COL24A1: variants seen among roughly 807,000 people sequenced by gnomAD.
The protein encoded by COL24A1 is collagen type XXIV alpha 1 chain.
A neutral mutation model predicts 253.9 loss-of-function variants in COL24A1; 224 were observed. The observed-to-expected ratio is 0.88, with a 90% CI of 0.79 to 0.99. The LOEUF (loss-of-function observed/expected upper bound fraction) is 0.99. Ranked by LOEUF, COL24A1 falls within the 50% of genes least tolerant of loss-of-function variation. COL24A1 has a pLI of 0.00. For missense variants in COL24A1, 2,131 were observed against 2,068.5 expected (o/e 1.03, Z -0.59); for synonymous variants, 685 against 673.7 (o/e 1.02, Z -0.26).
chr1:86,109,980 A>C (rs1376709248), intron 5 of COL24A1, among the ~76,000 whole-genome samples: 1 of 152,192 alleles, frequency 6.6e-6, no homozygotes, highest in African/African-American at 2.4e-5. Context: ...CCTTCAGTAG[A>C]TACTAAATCT....
intron 5 of COL24A1, among the ~76,000 whole-genome samples, chr1:86,108,690 C>A (rs546649563): frequency 1.5e-4 from 23 of 150,428 alleles, no homozygotes; most frequent in African/African-American, 5.1e-4. Flanking sequence ...GCCTGTAACC[C>A]CAGCTACTCA....
intron 48 of COL24A1, 26 bp downstream of exon 48, chr1:85,786,328 C>A (rs562525753): frequency 1.3e-6 from 2 of 1,597,614 alleles, no homozygotes; most frequent in East Asian, 4.5e-5. Flanking sequence ...ATACTGCTTA[C>A]CCATTGGAAC....
At chr1:85,939,186 C>T (rs564855261) in intron 24 of COL24A1, among the ~76,000 whole-genome samples, 5 of 152,132 alleles carry the variant, frequency 3.3e-5, no homozygotes, top group Non-Finnish European at 5.9e-5. Context: ...CGTAAATGAT[C>T]CTCATTCTTG....
At position 85,786,566 on chromosome 1, in the gene COL24A1, A is replaced by G; in HGVS notation, c.3952-105T>C. On this transcript the variant is annotated intron_variant, in intron 47 of 59. Transcript: ENST00000370571. ...GTTGTGCCCCGAAAGGCGTCTGTTA[A>G]CATACTGCCCAGGAGTTATCCTGGG... 5 of 898,042 alleles carry G rather than the reference A, an allele frequency of 5.6e-6. No homozygotes were observed. In the South Asian group the frequency reaches 9.2e-5, roughly 16 times the overall value. 55.6% of individuals were successfully genotyped at this position (898,042 alleles called of 1,614,324 possible).
intron 41 of COL24A1, 30 bp from the exon 42 acceptor site, chr1:85,841,308 A>G (rs372903430): frequency 7.2e-5 from 107 of 1,484,786 alleles, no homozygotes; most frequent in Non-Finnish European, 8.8e-5. Flanking sequence ...TATAAACAAA[A>G]CTCAATAAAT....
chr1:86,106,891 A>G (rs1222374379), intron 5 of COL24A1, among the ~76,000 whole-genome samples: 1 of 152,214 alleles, frequency 6.6e-6, no homozygotes, highest in Non-Finnish European at 1.5e-5. Context: ...ATTGCTGCAT[A>G]TCCACTAAAT....
chr1:85,761,077 T>C (rs922639482), intron 55 of COL24A1, among the ~76,000 whole-genome samples: 3 of 152,042 alleles, frequency 2.0e-5, no homozygotes, highest in African/African-American at 7.2e-5. Flanking sequence ...AGTGAAGATG[T>C]AGAATTAGGA....
rs542426672 is a variant in COL24A1, at chr1:85,918,129, G to GTT, written c.2563-6698_2563-6697dup. Among the ~76,000 whole-genome samples, 209 of 143,278 alleles carry GTT rather than the reference G, an allele frequency of 1.5e-3. 1 individual carries two copies. Among genetic ancestry groups the GTT allele is most frequent in the South Asian group, 2.7e-3 (12 of 4,528 alleles). 94.0% of individuals were successfully genotyped at this position (143,278 alleles called of 152,430 possible). A position where few individuals can be genotyped will look rare whatever the true frequency, so the allele number is the denominator to read the frequency against. ...TGTGGCCATATCCAGTGTGGTTTTT[G>GTT]TTTTTTTTTTTGGCCTTATGATTTG... On this transcript the variant is annotated intron_variant, in intron 24 of 59. Coordinates refer to ENST00000370571, the MANE Select transcript of COL24A1 (RefSeq NM_152890.7).
At position 86,075,100 on chromosome 1, in the gene COL24A1, G is replaced by A. The variant is rs913112442; in HGVS notation, c.1708-11341C>T. Among the ~76,000 whole-genome samples, 9 of 152,090 alleles carry A rather than the reference G, an allele frequency of 5.9e-5. No homozygotes were observed. In the South Asian group the frequency reaches 1.9e-3, roughly 32 times the overall value. ...CTCTTCAAAAAATCAATGAATCTAGGAGCTGGTTTCTAAAAAAAGATCAAC... is the reference window on the plus strand; with the variant it reads ...CTCTTCAAAAAATCAATGAATCTAGAAGCTGGTTTCTAAAAAAAGATCAAC... On this transcript the variant is annotated intron_variant, in intron 7 of 59. Transcript: ENST00000370571.
intron 10 of COL24A1, among the ~76,000 whole-genome samples, chr1:86,055,682 C>T (rs958120070): frequency 7.9e-5 from 12 of 152,128 alleles, no homozygotes; most frequent in African/African-American, 2.7e-4. Flanking sequence ...ATACACTATG[C>T]CCTATACCTT....
intron 8 of COL24A1, among the ~76,000 whole-genome samples, chr1:86,061,212 T>C (rs1019210064): frequency 2.6e-5 from 4 of 152,042 alleles, no homozygotes; most frequent in Non-Finnish European, 5.9e-5. Context: ...CCAAGGAAAG[T>C]CCTCTAATTA....
At chr1:85,802,492 C>A (rs1337185116) in intron 47 of COL24A1, among the ~76,000 whole-genome samples, 1 of 152,086 alleles carries the variant, frequency 6.6e-6, no homozygotes, top group Non-Finnish European at 1.5e-5. Context: ...CTCCAGTTAT[C>A]TTTTGGTATC....
intron 19 of COL24A1, among the ~76,000 whole-genome samples, chr1:85,991,997 G>A (rs1021979825): frequency 2.6e-5 from 4 of 151,620 alleles, no homozygotes; most frequent in African/African-American, 7.3e-5. Flanking sequence ...GTAACAACAT[G>A]TGCCATGTTG....
At chr1:86,076,466 C>T (rs1443334859) in intron 7 of COL24A1, among the ~76,000 whole-genome samples, 1 of 152,114 alleles carries the variant, frequency 6.6e-6, no homozygotes, top group Non-Finnish European at 1.5e-5. Flanking sequence ...CCATACTGTC[C>T]CAAGTAATTT....
At chr1:86,142,049 T>C (rs1651173978) in intron 2 of COL24A1, among the ~76,000 whole-genome samples, 1 of 151,710 alleles carries the variant, frequency 6.6e-6, no homozygotes, top group East Asian at 1.9e-4. Flanking sequence ...ATAAACAACT[T>C]CTCCAACATA....
At chr1:85,855,139 G>A (rs12091504) in intron 37 of COL24A1, among the ~76,000 whole-genome samples, 32,585 of 152,054 alleles carry the variant, frequency 0.21, 3,842 homozygotes, top group Non-Finnish European at 0.24. Flanking sequence ...TTTGAACAGA[G>A]ACTATAGGGT....
intron 37 of COL24A1, among the ~76,000 whole-genome samples, chr1:85,859,962 C>T (rs572399625): frequency 3.9e-5 from 6 of 152,084 alleles, no homozygotes; most frequent in Non-Finnish European, 5.9e-5. Flanking sequence ...TTTAAAAATG[C>T]TATTTTATAC....
intron 35 of COL24A1, among the ~76,000 whole-genome samples, chr1:85,873,515 AG>A (rs1189132515): frequency 6.6e-6 from 1 of 152,262 alleles, no homozygotes; most frequent in African/African-American, 2.4e-5. Context: ...GCCATAAAAA[AG>A]GATGAGTTCA....
rs187573768 is a variant in COL24A1, at chr1:85,823,530, A to G, written c.3789+6T>C. 9.7e-4 allele frequency: 1,560 copies of G among 1,613,772 alleles called. 8 individuals carry two copies. Among genetic ancestry groups the G allele is most frequent in the East Asian group, 9.3e-3 (418 of 44,858 alleles). On this transcript the variant is annotated splice_donor_region_variant and intron_variant, in intron 45 of 59. Coordinates refer to ENST00000370571, the MANE Select transcript of COL24A1 (RefSeq NM_152890.7). ...TCTCAAATTGCCTTAAATAATTTCA[A>G]CTTACTTCAGATCCTCTCTCTCCTT...
Sources: gnomAD v4.1 joint callset for allele counts (sites outside exome capture counted in the v4.1 genomes callset) on GRCh38, gnomAD v4.1.1 for gene constraint, MANE v1.5 for transcripts, NCBI Gene and HGNC (gene_info 2026-07-23, HGNC 2026-07-21) for gene names.